The following KCTD8 variants were observed in gnomAD, a reference collection of about 807,000 sequenced individuals.
KCTD8 encodes the protein potassium channel tetramerization domain containing 8, also known as BTB/POZ domain-containing protein KCTD8.
KCTD8 carries 27 observed loss-of-function variants against 31.5 expected under a neutral mutation model. The observed-to-expected ratio is 0.86, with a 90% CI of 0.63 to 1.18. The LOEUF (loss-of-function observed/expected upper bound fraction) is 1.18, where lower values mean the gene tolerates loss of function less well. Ranked by LOEUF, KCTD8 falls within the 50% of genes most tolerant of loss-of-function variation. KCTD8 has a pLI of 0.00. For synonymous variants in KCTD8, 290 were observed against 280.0 expected, an observed-to-expected ratio of 1.04 and a Z score of -0.36; for missense variants, 658 against 647.7, an observed-to-expected ratio of 1.02 and a Z score of -0.17.
At chr4:44,427,767 G>A (rs1167641064) in intron 1 of KCTD8, among the ~76,000 whole-genome samples, 2 of 151,620 alleles carry the variant, frequency 1.3e-5, no homozygotes, top group African/African-American at 4.8e-5. Flanking sequence ...CTTAACATAC[G>A]AGTAAGTTTA....
chr4:44,301,364 C>A (rs1413129712), intron 1 of KCTD8, among the ~76,000 whole-genome samples: 2 of 152,182 alleles, frequency 1.3e-5, no homozygotes, highest in Non-Finnish European at 2.9e-5. Flanking sequence ...TTCTCCACAT[C>A]CTCTCCAGCA....
chr4:44,385,656 T>C (rs1236416723), intron 1 of KCTD8, among the ~76,000 whole-genome samples: 4 of 151,606 alleles, frequency 2.6e-5, no homozygotes, highest in Non-Finnish European at 5.9e-5. Flanking sequence ...TTCATGGATG[T>C]GGCAACAAAA....
intron 1 of KCTD8, among the ~76,000 whole-genome samples, chr4:44,191,521 T>A (rs925108675): frequency 2.0e-5 from 3 of 152,148 alleles, no homozygotes; most frequent in Non-Finnish European, 4.4e-5. Context: ...ATTCTTTTAC[T>A]AGCAAGGAAT....
rs559320042 is a variant in KCTD8, at chr4:44,447,939, A to G, written c.585T>C (p.Gly195=). 294 of 1,460,028 alleles carry G rather than the reference A, an allele frequency of 2.0e-4. 1 individual carries two copies. In the African/African-American group the frequency reaches 3.4e-3, roughly 17 times the overall value. The allele number at this position is 1,460,028 out of a possible 1,614,324, so 90.4% of individuals were successfully genotyped here. ...TGTCCTGCGCGCCGCCGCCGCCGCCACCACCGTGCGCTCCCGGGCCCGAGG... is the reference window on the plus strand; with the variant it reads ...TGTCCTGCGCGCCGCCGCCGCCGCCGCCACCGTGCGCTCCCGGGCCCGAGG... ...AVPSGPGAHG[G]GGGGGAQDKR... The change falls in exon 1 of 2, where the codon GGT becomes GGC. Residue 195 remains glycine, a synonymous_variant. Transcript: ENST00000360029.
At chr4:44,367,676 G>GA (rs1328318963) in intron 1 of KCTD8, among the ~76,000 whole-genome samples, 2 of 151,828 alleles carry the variant, frequency 1.3e-5, no homozygotes, top group African/African-American at 2.4e-5. Context: ...GACAGCAATA[G>GA]AAAAAAATGA....
At chr4:44,262,759 A>G (rs2109366369) in intron 1 of KCTD8, among the ~76,000 whole-genome samples, 1 of 152,248 alleles carries the variant, frequency 6.6e-6, no homozygotes, top group African/African-American at 2.4e-5. Context: ...ATTAAGTGGG[A>G]TGCCTTGTTA....
chr4:44,303,854 T>C (rs1410960114), intron 1 of KCTD8, among the ~76,000 whole-genome samples: 3 of 152,022 alleles, frequency 2.0e-5, no homozygotes, highest in African/African-American at 7.2e-5. Flanking sequence ...TTTTAACATT[T>C]TCTAAAATTG....
chr4:44,214,667 C>G (rs1714597343), intron 1 of KCTD8, among the ~76,000 whole-genome samples: 2 of 152,158 alleles, frequency 1.3e-5, no homozygotes, highest in African/African-American at 2.4e-5. Context: ...GTTCCAACCT[C>G]CAAGCTGTCC....
At chr4:44,180,192 A>T (rs1438473143) in intron 1 of KCTD8, among the ~76,000 whole-genome samples, 1 of 152,170 alleles carries the variant, frequency 6.6e-6, no homozygotes, top group Non-Finnish European at 1.5e-5. Flanking sequence ...TACTTGGTTT[A>T]AAAAAGAAAA....
intron 1 of KCTD8, among the ~76,000 whole-genome samples, chr4:44,438,057 T>A (rs1721718838): frequency 6.6e-6 from 1 of 152,100 alleles, no homozygotes; most frequent in Non-Finnish European, 1.5e-5. Flanking sequence ...TATGTATGAA[T>A]CCTTACAAGG....
At chr4:44,436,562 G>A (rs1045470803) in intron 1 of KCTD8, among the ~76,000 whole-genome samples, 1 of 152,004 alleles carries the variant, frequency 6.6e-6, no homozygotes, top group African/African-American at 2.4e-5. Context: ...TATTTATCTT[G>A]TTAGGGTTGA....
chr4:44,266,989 A>G (rs1716393090), intron 1 of KCTD8, among the ~76,000 whole-genome samples: 1 of 152,162 alleles, frequency 6.6e-6, no homozygotes, highest in Non-Finnish European at 1.5e-5. Flanking sequence ...GATCAACGAG[A>G]CAAAAAGTTA....
At chr4:44,336,173 A>AAAAG (rs1553902106) in intron 1 of KCTD8, among the ~76,000 whole-genome samples, 1 of 139,282 alleles carries the variant, frequency 7.2e-6, no homozygotes, top group Non-Finnish European at 1.6e-5. Flanking sequence ...AAAAAAAAAA[A>AAAAG]AAAGAAAAAA....
At chr4:44,263,974 T>C (rs1423778516) in intron 1 of KCTD8, among the ~76,000 whole-genome samples, 1 of 152,242 alleles carries the variant, frequency 6.6e-6, no homozygotes, top group Non-Finnish European at 1.5e-5. Context: ...CAGGGATATG[T>C]GGTCACATTT....
At chr4:44,248,118 A>T (rs1715722494) in intron 1 of KCTD8, among the ~76,000 whole-genome samples, 1 of 151,932 alleles carries the variant, frequency 6.6e-6, no homozygotes, top group African/African-American at 2.4e-5. Flanking sequence ...CTTACATGAC[A>T]ATAATTTTCA....
intron 1 of KCTD8, among the ~76,000 whole-genome samples, chr4:44,227,834 T>C (rs1476927086): frequency 6.6e-6 from 1 of 152,160 alleles, no homozygotes; most frequent in East Asian, 1.9e-4. Context: ...ATATCAAATA[T>C]TTACATCTTT....
chr4:44,425,692 G>C (rs894543459), intron 1 of KCTD8, among the ~76,000 whole-genome samples: 2 of 152,044 alleles, frequency 1.3e-5, no homozygotes, highest in South Asian at 2.1e-4. Context: ...TGAATACTGG[G>C]GAGGCAGTAT....
In KCTD8 at chr4:44,175,225, A is replaced by G; in HGVS notation, c.987T>C (p.Pro329=). ...FFRPPQKIVS[P]KQEHEDRKHD... The stretch of plus-strand genomic sequence containing the variant: ...GTTTCCTATCTTCATGTTCTTGTTT[A>G]GGTGATACTATTTTCTGAGGTGGTC... Residue 329 remains proline, a synonymous_variant, in exon 2 of 2, where the codon CCT becomes CCC. Coordinates refer to ENST00000360029, the MANE Select transcript of KCTD8 (RefSeq NM_198353.3). 6.4e-7 allele frequency: 1 copy of G among 1,573,728 alleles called. No homozygotes were observed. The highest frequency in any genetic ancestry group is 8.6e-7 in the Non-Finnish European group (1 of 1,160,424).
intron 1 of KCTD8, among the ~76,000 whole-genome samples, chr4:44,294,201 A>G (rs1162563249): frequency 6.6e-6 from 1 of 152,160 alleles, no homozygotes; most frequent in African/African-American, 2.4e-5. Flanking sequence ...TACTACTGTA[A>G]ATACATCCTT....
Sources: allele counts gnomAD v4.1 joint callset (sites outside exome capture counted in the v4.1 genomes callset), GRCh38; gene constraint gnomAD v4.1.1; transcripts MANE v1.5; gene names NCBI Gene and HGNC (gene_info 2026-07-23, HGNC 2026-07-21).